Variants in CELF2 observed in about 807,000 individuals in gnomAD.
CELF2 encodes CUGBP Elav-like family member 2.
CELF2 carries 8 observed loss-of-function variants against 62.6 expected under a neutral mutation model. The observed-to-expected ratio is 0.13, with a 90% CI of 0.07 to 0.23. CELF2 has a LOEUF of 0.23. Ranked by LOEUF, CELF2 falls within the 10% of genes least tolerant of loss-of-function variation. The pLI, the probability that CELF2 is intolerant of heterozygous loss-of-function variation, is 1.00. For synonymous variants in CELF2, 258 were observed against 250.0 expected, an observed-to-expected ratio of 1.03 and a Z score of -0.30; for missense variants, 333 against 671.0, an observed-to-expected ratio of 0.50 and a Z score of 5.56.
chr10:11,213,123 A>G (rs560873762), intron 2 of CELF2, among the ~76,000 whole-genome samples: 1 of 152,114 alleles, frequency 6.6e-6, no homozygotes, highest in African/African-American at 2.4e-5. Flanking sequence ...CTCTCACTCC[A>G]CTCCATGGAC....
At chr10:10,483,070 C>T in the CELF2 span, among the ~76,000 whole-genome samples, 1 of 152,122 alleles carries the variant, frequency 6.6e-6, no homozygotes, top group Non-Finnish European at 1.5e-5. Flanking sequence ...GTGTCCCCTT[C>T]TCTTAGAAAC....
the CELF2 span, among the ~76,000 whole-genome samples, chr10:10,651,277 G>C: frequency 1.3e-4 from 19 of 145,532 alleles, no homozygotes; most frequent in African/African-American, 3.0e-4. Flanking sequence ...ACTGCAAGGC[G>C]GCAGTGAGGC....
At chr10:10,877,449 T>C (rs2061174648) in intron 1 of CELF2, among the ~76,000 whole-genome samples, 1 of 152,218 alleles carries the variant, frequency 6.6e-6, no homozygotes, top group Admixed American at 6.5e-5. Flanking sequence ...AGGTCGTAGG[T>C]AGATTCCAGA....
At chr10:11,148,039 C>T (rs542430713) in intron 1 of CELF2, among the ~76,000 whole-genome samples, 2 of 152,210 alleles carry the variant, frequency 1.3e-5, no homozygotes, top group Non-Finnish European at 2.9e-5. Flanking sequence ...AGTACGAGAG[C>T]GCTGCTTGTT....
chr10:11,270,860 G>A lies in CELF2; in HGVS notation c.777+36G>A, dbSNP rs201709677. ...GGCAATGCCGGCGTGGTCTTCACCC[G>A]CTGAAACTCTGCAAACTGACTTTTC... On this transcript the variant is annotated intron_variant, in intron 7 of 12. Coordinates refer to ENST00000633077, the MANE Select transcript of CELF2 (RefSeq NM_001326342.2). The surrounding 1 kb of genome is among the most constrained non-coding windows in gnomAD (Gnocchi z 5.8). The A allele has an allele frequency of 6.0e-5, 81 of 1,339,538 alleles. No individual in the cohort carries two copies. The Middle Eastern group carries it at 8.8e-4, about 15-fold the overall frequency. The allele number at this position is 1,339,538 out of a possible 1,614,324, so 83.0% of individuals were successfully genotyped here. A position where few individuals can be genotyped will look rare whatever the true frequency, so the allele number is the denominator to read the frequency against.
chr10:10,713,830 T>G, the CELF2 span, among the ~76,000 whole-genome samples: 2 of 151,902 alleles, frequency 1.3e-5, no homozygotes, highest in African/African-American at 2.4e-5. Context: ...AGATCAGGAG[T>G]TCGAGACCAG....
chr10:10,732,449 C>T, the CELF2 span, among the ~76,000 whole-genome samples: 8 of 151,976 alleles, frequency 5.3e-5, no homozygotes, highest in African/African-American at 1.9e-4. Flanking sequence ...GAGCAACCCA[C>T]TCTGCCTCTC....
At chr10:10,631,835 G>A in the CELF2 span, among the ~76,000 whole-genome samples, 1 of 152,178 alleles carries the variant, frequency 6.6e-6, no homozygotes, top group Non-Finnish European at 1.5e-5. Flanking sequence ...AGAGATACCA[G>A]TTAATGACCA....
At chr10:10,709,304 T>C in the CELF2 span, among the ~76,000 whole-genome samples, 1 of 152,232 alleles carries the variant, frequency 6.6e-6, no homozygotes, top group Admixed American at 6.5e-5. Context: ...GCTCAGAGAA[T>C]GGGGACTTCT....
At chr10:10,944,349 A>G (rs780293592) in intron 2 of CELF2, 1 of 152,664 alleles carries the variant, frequency 6.6e-6, no homozygotes, top group Non-Finnish European at 1.5e-5. Context: ...TTGCATGAGA[A>G]GAGCAGAGGA....
At chr10:10,526,930 T>C in the CELF2 span, among the ~76,000 whole-genome samples, 1 of 152,352 alleles carries the variant, frequency 6.6e-6, no homozygotes, top group East Asian at 1.9e-4. Context: ...CACAAGAGGC[T>C]GCATTAAACT....
At chr10:11,322,571 C>T (rs117658604) in intron 11 of CELF2, among the ~76,000 whole-genome samples, 516 of 151,698 alleles carry the variant, frequency 3.4e-3, no homozygotes, top group South Asian at 0.017. Flanking sequence ...TTTACCCTCA[C>T]CCCATAGCTC....
At chr10:10,891,830 C>T (rs926653681) in intron 1 of CELF2, among the ~76,000 whole-genome samples, 1 of 152,184 alleles carries the variant, frequency 6.6e-6, no homozygotes, top group African/African-American at 2.4e-5. Context: ...CACTCTAAGT[C>T]TGTTGTCTCA....
At chr10:10,713,542 C>G in the CELF2 span, among the ~76,000 whole-genome samples, 3 of 152,230 alleles carry the variant, frequency 2.0e-5, no homozygotes, top group African/African-American at 7.2e-5. Context: ...TTGAGAATTG[C>G]AGATAATCAC....
the CELF2 span, among the ~76,000 whole-genome samples, chr10:10,568,410 A>G: frequency 6.6e-6 from 1 of 152,188 alleles, no homozygotes; most frequent in Non-Finnish European, 1.5e-5. Flanking sequence ...GAAGTTTACA[A>G]AAGCATAACC....
the CELF2 span, among the ~76,000 whole-genome samples, chr10:10,708,487 T>A: frequency 1.3e-5 from 2 of 152,114 alleles, no homozygotes; most frequent in African/African-American, 4.8e-5. Context: ...TTGGCATATA[T>A]AAAATACCTC....
intron 1 of CELF2, among the ~76,000 whole-genome samples, chr10:10,904,228 A>ATT (rs11374267): frequency 0.024 from 3,490 of 148,264 alleles, 137 homozygotes; most frequent in African/African-American, 0.078. Context: ...TCCATTTTTA[A>ATT]TTTTTTTTTT....
At chr10:11,208,368 A>G (rs1041330282) in intron 2 of CELF2, among the ~76,000 whole-genome samples, 7 of 152,198 alleles carry the variant, frequency 4.6e-5, no homozygotes, top group African/African-American at 1.7e-4. Context: ...CCAAAGATAC[A>G]GGGGAAATGG....
chr10:11,303,329 TAC>T (rs1043993458), intron 9 of CELF2, among the ~76,000 whole-genome samples: 2 of 152,206 alleles, frequency 1.3e-5, no homozygotes, highest in African/African-American at 4.8e-5. Context: ...CTCAAAACTA[TAC>T]ACACAGACTG....
Sources: gnomAD v4.1 joint callset for allele counts (sites outside exome capture counted in the v4.1 genomes callset) on GRCh38, gnomAD v4.1.1 for gene constraint, Gnocchi (gnomAD v3.1) non-coding constraint, MANE v1.5 for transcripts, NCBI Gene and HGNC (gene_info 2026-07-23, HGNC 2026-07-21) for gene names.